Variants in XYLT1 observed in about 807,000 individuals in gnomAD.
XYLT1 encodes beta-D-xylosyltransferase 1.
XYLT1 carries 36 observed loss-of-function variants against 91.3 expected under a neutral mutation model. The ratio of observed to expected loss-of-function variants is 0.39; its 90% CI spans 0.30 to 0.52. The LOEUF (loss-of-function observed/expected upper bound fraction) is 0.52, where lower values mean the gene tolerates loss of function less well. XYLT1 is among the 20% of genes least tolerant of loss of function. The pLI, the probability that XYLT1 is intolerant of heterozygous loss-of-function variation, is 0.68. For missense variants in XYLT1, 1,242 were observed against 1,284.5 expected, an observed-to-expected ratio of 0.97 and a Z score of 0.51; for synonymous variants, 588 against 532.0, an observed-to-expected ratio of 1.11 and a Z score of -1.45.
chr16:17,257,128 T>C (rs1233205459), intron 3 of XYLT1, among the ~76,000 whole-genome samples: 1 of 152,208 alleles, frequency 6.6e-6, no homozygotes, highest in African/African-American at 2.4e-5. Context: ...AAGGGGGTAC[T>C]GTGAACCTTT....
intron 3 of XYLT1, among the ~76,000 whole-genome samples, chr16:17,213,669 A>C (rs1474817071): frequency 6.6e-6 from 1 of 151,440 alleles, no homozygotes; most frequent in Non-Finnish European, 1.5e-5. Flanking sequence ...CCCAGGCTGG[A>C]GTGCAGTAGT....
intron 2 of XYLT1, among the ~76,000 whole-genome samples, chr16:17,282,966 C>T (rs1042922234): frequency 1.3e-5 from 2 of 151,958 alleles, no homozygotes; most frequent in African/African-American, 4.8e-5. Flanking sequence ...AGTCACCCCC[C>T]CCAAGTCACA....
chr16:17,306,133 A>G (rs1162686120), intron 2 of XYLT1, among the ~76,000 whole-genome samples: 1 of 152,168 alleles, frequency 6.6e-6, no homozygotes, highest in African/African-American at 2.4e-5. Flanking sequence ...CTGTATGTGG[A>G]AATTTCAGGG....
chr16:17,238,609 C>T (rs1014212611), intron 3 of XYLT1, among the ~76,000 whole-genome samples: 2 of 152,212 alleles, frequency 1.3e-5, no homozygotes, highest in African/African-American at 2.4e-5. Context: ...AGGGAAAACT[C>T]TAAATTCCCT....
intron 10 of XYLT1, among the ~76,000 whole-genome samples, chr16:17,119,865 A>C (rs966724223): frequency 9.9e-5 from 15 of 152,210 alleles, no homozygotes; most frequent in African/African-American, 3.4e-4. Flanking sequence ...TCACTCTCTC[A>C]GTCATTCATT....
At chr16:17,197,292 T>A (rs2032448825) in intron 5 of XYLT1, among the ~76,000 whole-genome samples, 1 of 152,038 alleles carries the variant, frequency 6.6e-6, no homozygotes, top group Non-Finnish European at 1.5e-5. Flanking sequence ...TCTGTAGGCG[T>A]GACTCTCTTT....
intron 1 of XYLT1, among the ~76,000 whole-genome samples, chr16:17,372,957 A>G (rs1424366949): frequency 6.6e-6 from 1 of 152,188 alleles, no homozygotes; most frequent in Non-Finnish European, 1.5e-5. Flanking sequence ...CTAACAACAA[A>G]CATCTGTTTT....
intron 1 of XYLT1, among the ~76,000 whole-genome samples, chr16:17,379,753 T>TTTCACACACACACA (rs2035648956): frequency 7.8e-6 from 1 of 128,720 alleles, no homozygotes; most frequent in African/African-American, 3.2e-5. Flanking sequence ...TCTCTCTCTC[T>TTTCACACACACACA]CTCTCTCTCT....
chr16:17,435,143 C>T (rs935580506), intron 1 of XYLT1, among the ~76,000 whole-genome samples: 2 of 152,326 alleles, frequency 1.3e-5, no homozygotes, highest in Admixed American at 6.5e-5. Flanking sequence ...CGGCGTGGCA[C>T]GCACCATATG....
chr16:17,425,426 T>A (rs2036304516), intron 1 of XYLT1, among the ~76,000 whole-genome samples: 1 of 152,110 alleles, frequency 6.6e-6, no homozygotes, highest in South Asian at 2.1e-4. Context: ...CTTCCAAATG[T>A]CGACCCACTC....
intron 2 of XYLT1, among the ~76,000 whole-genome samples, chr16:17,327,802 G>A (rs183828424): frequency 2.6e-5 from 4 of 152,046 alleles, no homozygotes; most frequent in African/African-American, 7.2e-5. Flanking sequence ...AAATTCCATC[G>A]CGGTGAGCCA....
intron 1 of XYLT1, among the ~76,000 whole-genome samples, chr16:17,393,614 C>T (rs775247010): frequency 5.3e-5 from 8 of 151,948 alleles, no homozygotes; most frequent in South Asian, 4.1e-4. Context: ...CTTTAGAGTT[C>T]GGAAAAATGT....
chr16:17,155,443 C>A (rs182029721), intron 6 of XYLT1, among the ~76,000 whole-genome samples: 175 of 152,288 alleles, frequency 1.1e-3, no homozygotes, highest in Non-Finnish European at 2.4e-3. Flanking sequence ...ATGTTCTTTA[C>A]CCTTAAGCTA....
intron 2 of XYLT1, among the ~76,000 whole-genome samples, chr16:17,285,772 CTTG>C (rs1264287749): frequency 6.6e-6 from 1 of 152,096 alleles, no homozygotes; most frequent in African/African-American, 2.4e-5. Context: ...ACCTGAATTG[CTTG>C]TTAACATGGT....
intron 3 of XYLT1, among the ~76,000 whole-genome samples, chr16:17,213,771 C>T (rs527519267): frequency 6.6e-6 from 1 of 152,054 alleles, no homozygotes; most frequent in African/African-American, 2.4e-5. Context: ...GGTGCCCACC[C>T]CCATGCCCGG....
intron 5 of XYLT1, among the ~76,000 whole-genome samples, chr16:17,167,817 G>T (rs752658329): frequency 6.6e-6 from 1 of 151,726 alleles, no homozygotes. Flanking sequence ...TCCATCTCAT[G>T]CATGGATTCT....
At chr16:17,284,099 AC>A (rs2034098275) in intron 2 of XYLT1, among the ~76,000 whole-genome samples, 3 of 152,208 alleles carry the variant, frequency 2.0e-5, no homozygotes, top group Admixed American at 2.0e-4. Flanking sequence ...GTTACTTCTG[AC>A]ATTTCTAAGC....
intron 5 of XYLT1, among the ~76,000 whole-genome samples, chr16:17,187,413 A>AT (rs2032208636): frequency 6.7e-6 from 1 of 149,712 alleles, no homozygotes; most frequent in Non-Finnish European, 1.5e-5. Context: ...AAAAAAAAAA[A>AT]AAAATTAGCC....
chr16:17,301,760 G>A (rs2034399485), intron 2 of XYLT1, among the ~76,000 whole-genome samples: 1 of 152,170 alleles, frequency 6.6e-6, no homozygotes, highest in African/African-American at 2.4e-5. Context: ...CTTCTTAGAT[G>A]AAGACTCGGA....
Sources: gnomAD v4.1 joint callset for allele counts (sites outside exome capture counted in the v4.1 genomes callset) on GRCh38, gnomAD v4.1.1 for gene constraint, MANE v1.5 for transcripts, NCBI Gene and HGNC (gene_info 2026-07-23, HGNC 2026-07-21) for gene names.